Variants in NR4A1 observed in about 807,000 individuals in gnomAD.
NR4A1 encodes nuclear receptor subfamily 4immunitygroup A member 1.
NR4A1 carries 24 observed loss-of-function variants against 47.5 expected under a neutral mutation model. The ratio of observed to expected loss-of-function variants is 0.50; its 90% CI spans 0.37 to 0.71. The LOEUF (loss-of-function observed/expected upper bound fraction) is 0.71. NR4A1 is among the 30% of genes least tolerant of loss of function. The probability of loss-of-function intolerance (pLI) is 0.00; values close to 1 mark genes in which losing one functional copy is unlikely to be tolerated. For missense variants in NR4A1, 669 were observed against 788.6 expected, an observed-to-expected ratio of 0.85 and a Z score of 1.82; for synonymous variants, 353 against 345.7, an observed-to-expected ratio of 1.02 and a Z score of -0.24.
intron 1 of NR4A1, chr12:52,037,523 G>A: frequency 1.0e-6 from 1 of 980,748 alleles, no homozygotes; most frequent in Non-Finnish European, 1.2e-6. Flanking sequence ...GCCTTTGGGC[G>A]GGCTCGGGGC....
At position 52,058,968 on chromosome 12, in the gene NR4A1, A is replaced by C; in HGVS notation, c.*24A>C. On this transcript the variant is annotated 3_prime_UTR_variant, in exon 7 of 7. Coordinates refer to ENST00000394825, the MANE Select transcript of NR4A1 (RefSeq NM_173157.3). Reference sequence around the variant, plus strand: ...GACCCCTGCCTGGGAACACGTGTGCACATGCGCACTCTCATATGCCACCCC... The same window carrying C: ...GACCCCTGCCTGGGAACACGTGTGCCCATGCGCACTCTCATATGCCACCCC... The C allele has an allele frequency of 6.3e-7, 1 of 1,596,588 alleles. No homozygotes were observed. The highest frequency in any genetic ancestry group is 8.6e-7 in the Non-Finnish European group (1 of 1,167,326).
intron 2 of NR4A1, among the ~76,000 whole-genome samples, chr12:52,045,233 C>T (rs74093050): frequency 0.033 from 5,070 of 152,276 alleles, 294 homozygotes; most frequent in African/African-American, 0.12. Context: ...GCTGCCGGCT[C>T]CCCCGTCCAG....
chr12:52,042,987 G>T (rs1592288947), intron 2 of NR4A1, among the ~76,000 whole-genome samples: 4 of 152,324 alleles, frequency 2.6e-5, no homozygotes, highest in African/African-American at 9.6e-5. Flanking sequence ...TGCCTCATGG[G>T]GGGTCAGCGT....
At chr12:52,058,566 T>C (rs1939391082) in intron 6 of NR4A1, 122 bp from the exon 7 acceptor site, 1 of 1,311,120 alleles carries the variant, frequency 7.6e-7, no homozygotes, top group Non-Finnish European at 1.0e-6. Flanking sequence ...GAATGCGCTT[T>C]TGTGAAGTGC....
chr12:52,045,111 G>T (rs989211504), intron 2 of NR4A1, among the ~76,000 whole-genome samples: 1 of 152,168 alleles, frequency 6.6e-6, no homozygotes, highest in Non-Finnish European at 1.5e-5. Context: ...AATTCTCCCA[G>T]TGCTGGGTAG....
chr12:52,058,825 C>T lies in NR4A1; in HGVS notation c.1678C>T (p.Pro560Ser). The change falls in exon 7 of 7, where the codon CCC becomes TCC. Residue 560 changes from proline (P) to serine (S), a missense_variant. By Grantham distance (74) the Pro-to-Ser change is moderately conservative (BLOSUM62 -1). Coordinates refer to ENST00000394825, the MANE Select transcript of NR4A1 (RefSeq NM_173157.3). The stretch of plus-strand genomic sequence containing the variant: ...CCTGTCACGTCTGTTGGGCAAACTG[C>T]CCGAGCTGCGGACCCTGTGCACCCA... ...SCLSRLLGKL[P>S]ELRTLCTQGL... 1.2e-6 allele frequency: 2 copies of T among 1,613,924 alleles called. No individual in the cohort carries two copies. The highest frequency in any genetic ancestry group is 1.7e-6 in the Non-Finnish European group (2 of 1,180,000).
intron 1 of NR4A1, among the ~76,000 whole-genome samples, chr12:52,031,663 A>T (rs995384631): frequency 2.0e-5 from 3 of 152,122 alleles, no homozygotes; most frequent in Non-Finnish European, 4.4e-5. Flanking sequence ...CAAATAAAAA[A>T]GCTACTTCCT....
intron 1 of NR4A1, among the ~76,000 whole-genome samples, chr12:52,039,281 T>C (rs1410963197): frequency 6.6e-6 from 1 of 152,240 alleles, no homozygotes; most frequent in Non-Finnish European, 1.5e-5. Flanking sequence ...GGTAGGGATA[T>C]TGGCCAATGC....
chr12:52,059,222 T>C lies in NR4A1; in HGVS notation c.*278T>C. 2.3e-6 allele frequency: 1 copy of C among 432,044 alleles called. No homozygotes were observed. Among genetic ancestry groups the C allele is most frequent in the Non-Finnish European group, 4.1e-6 (1 of 243,560 alleles). 26.8% of individuals were successfully genotyped at this position (432,044 alleles called of 1,614,324 possible). A position where few individuals can be genotyped will look rare whatever the true frequency, so the allele number is the denominator to read the frequency against. On this transcript the variant is annotated 3_prime_UTR_variant, in exon 7 of 7. Transcript: ENST00000394825. ...GTTTTTAACACATAGCGCCGTGCTG[T>C]AAATAAGCCCAGTGCTGCTGTAAAT...
At chr12:52,029,848 G>A (rs1170584004) in intron 1 of NR4A1, among the ~76,000 whole-genome samples, 1 of 152,172 alleles carries the variant, frequency 6.6e-6, no homozygotes, top group African/African-American at 2.4e-5. Context: ...GGTTGTCACC[G>A]GTAACCAGAG....
chr12:52,055,846 CT>C, intron 2 of NR4A1, 183 bp from the exon 3 acceptor site: 1 of 477,658 alleles, frequency 2.1e-6, no homozygotes. Context: ...GTCTTCAAGA[CT>C]TTTCTCTCCC....
Position 52,055,282 on chromosome 12 carries a change from C to A in NR4A1, c.876+78C>A, listed in dbSNP as rs542709676. The A allele has an allele frequency of 1.6e-5, 25 of 1,565,636 alleles. No individual in the cohort carries two copies. The South Asian group carries it at 2.6e-4, about 16-fold the overall frequency. On this transcript the variant is annotated intron_variant, in intron 2 of 6. Coordinates refer to ENST00000394825, the MANE Select transcript of NR4A1 (RefSeq NM_173157.3). ...CTCATCCCATTGGGACCTGTGGTCT[C>A]CCCCTGGGTTCTCCTCCTAGCTAAG...
rs377479726 is a variant in NR4A1 at position 52,037,569 on chromosome 12, G to A, written c.-83-4241G>A. 15 of 983,604 alleles carry A rather than the reference G, an allele frequency of 1.5e-5. No individual in the cohort carries two copies. The African/African-American group carries it at 2.1e-4, about 14-fold the overall frequency. The allele number at this position is 983,604 out of a possible 1,614,324, so 60.9% of individuals were successfully genotyped here. On this transcript the variant is annotated intron_variant, in intron 1 of 7. Coordinates refer to the NR4A1 transcript ENST00000360284. ...TCCCGCTTGGAAACTGGGGAGTCGG[G>A]GGGGGGACTGGATTCCCAGCGGAAC... is the stretch of plus-strand genomic sequence containing the variant.
rs751505484 is a variant in NR4A1 at position 52,058,862 on chromosome 12, G to T, written c.1715G>T (p.Arg572Leu). The change falls in exon 7 of 7, where the codon CGC becomes CTC. Residue 572 changes from arginine (R) to leucine (L), a missense_variant. Arg to Leu is a moderately radical substitution (Grantham distance 102). Transcript: ENST00000394825. The part of the protein sequence containing the change: ...LRTLCTQGLQ[R>L]IFYLKLEDLV... ...ACCCTGTGCACCCAGGGCCTGCAGC[G>T]CATCTTCTACCTCAAGCTGGAGGAC... The T allele has an allele frequency of 1.7e-5, 28 of 1,613,914 alleles. No individual in the cohort carries two copies. The highest frequency in any genetic ancestry group is 2.0e-5 in the Non-Finnish European group (24 of 1,179,932).
chr12:52,059,099 G>A lies in NR4A1; in HGVS notation c.*155G>A. 1 of 984,786 alleles carries A rather than the reference G, an allele frequency of 1.0e-6. No homozygotes were observed. The allele number at this position is 984,786 out of a possible 1,614,324, so 61.0% of individuals were successfully genotyped here. On this transcript the variant is annotated 3_prime_UTR_variant, in exon 7 of 7. Coordinates refer to ENST00000394825, the MANE Select transcript of NR4A1 (RefSeq NM_173157.3). ...TCCAGGAGGTTTGCAGGGAGCTCAA[G>A]CCCTTGGGGAGGGGGATGCCTTCAT...
At position 52,044,057 on chromosome 12, in the gene NR4A1, T is replaced by G. The variant is rs1057503087; in HGVS notation, c.37+2128T>G. 7 of 527,512 alleles carry G rather than the reference T, an allele frequency of 1.3e-5. No individual in the cohort carries two copies. The African/African-American group carries it at 1.4e-4, about 10-fold the overall frequency. 32.7% of individuals were successfully genotyped at this position (527,512 alleles called of 1,614,324 possible). A position where few individuals can be genotyped will look rare whatever the true frequency, so the allele number is the denominator to read the frequency against. On this transcript the variant is annotated intron_variant, in intron 2 of 7. Transcript: ENST00000360284. ...CAACTGGAGGCATGAGTGTGCAGCT[T>G]GACCACAGCTGGATGACGGTAGTTG...
intron 1 of NR4A1, among the ~76,000 whole-genome samples, chr12:52,036,862 G>A (rs1399005250): frequency 2.0e-5 from 3 of 152,204 alleles, no homozygotes; most frequent in Admixed American, 2.0e-4. Context: ...TCCTGGGGAA[G>A]CCCCGGCTAA....
upstream of NR4A1, among the ~76,000 whole-genome samples, chr12:52,047,041 G>A (rs1938674960): frequency 1.3e-5 from 2 of 148,738 alleles, no homozygotes; most frequent in African/African-American, 5.1e-5. Context: ...GGCCTGACTA[G>A]GTGGGGCTGT....
At chr12:52,034,571 G>A (rs1302151440) in intron 1 of NR4A1, among the ~76,000 whole-genome samples, 1 of 152,234 alleles carries the variant, frequency 6.6e-6, no homozygotes, top group South Asian at 2.1e-4. Flanking sequence ...AGGAACAAGA[G>A]GCTGGGTAGA....
Sources: allele counts gnomAD v4.1 joint callset (sites outside exome capture counted in the v4.1 genomes callset), GRCh38; gene constraint gnomAD v4.1.1; transcripts MANE v1.5; gene names NCBI Gene and HGNC (gene_info 2026-07-23, HGNC 2026-07-21).